The following ASMTL variants were observed in gnomAD, a reference collection of about 807,000 sequenced individuals.
ASMTL encodes acetylserotonin O-methyltransferase like.
In ASMTL, 57 loss-of-function variants were observed where a neutral mutation model predicts 60.3. That is an observed-to-expected ratio of 0.95 (90% CI 0.76 to 1.18). The LOEUF (loss-of-function observed/expected upper bound fraction) is 1.18, where lower values mean the gene tolerates loss of function less well. ASMTL is among the 50% of genes most tolerant of loss of function. The pLI, the probability that ASMTL is intolerant of heterozygous loss-of-function variation, is 0.00. For missense variants in ASMTL, 981 were observed against 852.6 expected (o/e 1.15, Z -1.88); for synonymous variants, 419 against 373.0 (o/e 1.12, Z -1.42).
At chrX:1,419,836 G>A (rs1240225733) in intron 9 of ASMTL, among the ~76,000 whole-genome samples, 5 of 152,180 alleles carry the variant, frequency 3.3e-5, no homozygotes, top group Non-Finnish European at 5.9e-5. Flanking sequence ...TGTCCTCTGC[G>A]ATGCCCACGC....
intron 5 of ASMTL, among the ~76,000 whole-genome samples, chrX:1,432,586 T>G (rs1354807718): frequency 1.3e-5 from 2 of 152,164 alleles, no homozygotes; most frequent in Non-Finnish European, 2.9e-5. Flanking sequence ...TCCCAGCACC[T>G]TGGGAGGCCG....
intron 5 of ASMTL, among the ~76,000 whole-genome samples, 182 bp from the exon 6 acceptor site, chrX:1,432,559 G>A (rs2090825813): frequency 6.6e-6 from 1 of 152,248 alleles, no homozygotes. Context: ...GCCGGGCGCG[G>A]TGGCTCACGC....
chrX:1,444,156 G>A (rs187450820), intron 1 of ASMTL, among the ~76,000 whole-genome samples: 3 of 151,130 alleles, frequency 2.0e-5, no homozygotes, highest in Admixed American at 6.6e-5. Context: ...GAAACATTCC[G>A]AGCCTGCGAG....
chrX:1,435,161 G>A, intron 4 of ASMTL, 78 bp from the exon 5 acceptor site: 4 of 1,497,316 alleles, frequency 2.7e-6, no homozygotes, highest in Non-Finnish European at 3.7e-6. Flanking sequence ...CAAAACCAGG[G>A]GAGGCAGCGA....
At chrX:1,438,473 C>T in intron 3 of ASMTL, among the ~76,000 whole-genome samples, 1 of 152,318 alleles carries the variant, frequency 6.6e-6, no homozygotes, top group East Asian at 1.9e-4. Context: ...AGAAACCCTA[C>T]AGACACCGTG....
chrX:1,440,395 T>G (rs1329199835), intron 2 of ASMTL, among the ~76,000 whole-genome samples: 1 of 152,088 alleles, frequency 6.6e-6, no homozygotes, highest in Non-Finnish European at 1.5e-5. Flanking sequence ...CGGCCCCGAA[T>G]GTATTTCTTA....
At chrX:1,446,789 A>G (rs1484864474) in intron 1 of ASMTL, among the ~76,000 whole-genome samples, 2 of 152,122 alleles carry the variant, frequency 1.3e-5, no homozygotes, top group Non-Finnish European at 2.9e-5. Flanking sequence ...ATGAGCCACC[A>G]TGCCCAGCCC....
At chrX:1,412,416 C>T (rs759513014) in intron 12 of ASMTL, among the ~76,000 whole-genome samples, 6 of 152,104 alleles carry the variant, frequency 3.9e-5, no homozygotes, top group East Asian at 1.9e-4. Flanking sequence ...TTAGTAGAGA[C>T]GGGGTTTCAC....
At chrX:1,439,029 A>C in intron 3 of ASMTL, 68 bp downstream of exon 3, 2 of 1,509,352 alleles carry the variant, frequency 1.3e-6, no homozygotes, top group Non-Finnish European at 1.8e-6. Flanking sequence ...CATCCACAAG[A>C]GGCAGAATCA....
Position 1,432,305 on chromosome X carries a change from T to A in ASMTL, c.473A>T (p.Glu158Val). The A allele has an allele frequency of 6.2e-7, 1 of 1,611,056 alleles. No individual in the cohort carries two copies. Among genetic ancestry groups the A allele is most frequent in the African/African-American group, 1.3e-5 (1 of 74,082 alleles). The change falls in exon 6 of 13, where the codon GAG (glutamate) becomes GTG (valine). Residue 158 changes from glutamate to valine, a missense_variant. Coordinates refer to ENST00000381317, the MANE Select transcript of ASMTL (RefSeq NM_004192.4). ...GCTGTGGACGTATTCCCAGAGCAGCTCCTCGGACAGCTCCGAGAACTTCAC... is the reference window on the plus strand; with the variant it reads ...GCTGTGGACGTATTCCCAGAGCAGCACCTCGGACAGCTCCGAGAACTTCAC... ...TKVKFSELSE[E>V]LLWEYVHSGE...
intron 6 of ASMTL, 77 bp from the exon 7 acceptor site, chrX:1,428,198 C>T (rs5948865): frequency 7.3e-6 from 11 of 1,512,780 alleles, no homozygotes; most frequent in African/African-American, 6.9e-5. Flanking sequence ...GGCTGGGAGG[C>T]GGAGGTGGGT....
chrX:1,422,726 A>C (rs2090514964), intron 8 of ASMTL, among the ~76,000 whole-genome samples: 1 of 152,114 alleles, frequency 6.6e-6, no homozygotes, highest in South Asian at 2.1e-4. Context: ...CTGTTTTCCC[A>C]CCGAGCTGAC....
At chrX:1,415,510 G>A (rs1453427433) in intron 11 of ASMTL, among the ~76,000 whole-genome samples, 1 of 145,044 alleles carries the variant, frequency 6.9e-6, no homozygotes, top group Non-Finnish European at 1.5e-5. Flanking sequence ...TTGTTGCCCA[G>A]GCTGGAGTGC....
At chrX:1,430,633 G>A (rs1392318300) in intron 6 of ASMTL, among the ~76,000 whole-genome samples, 1 of 151,668 alleles carries the variant, frequency 6.6e-6, no homozygotes, top group Admixed American at 6.6e-5. Context: ...TTAGCCAGGC[G>A]TGGTGGTATG....
intron 12 of ASMTL, 89 bp downstream of exon 12, chrX:1,412,643 G>C (rs759351699): frequency 6.3e-7 from 1 of 1,575,204 alleles, no homozygotes; most frequent in Admixed American, 1.7e-5. Flanking sequence ...GATGACAGGC[G>C]TGAGCCACCG....
chrX:1,453,421 G>A (rs769234010), upstream of ASMTL, among the ~76,000 whole-genome samples: 37 of 130,606 alleles, frequency 2.8e-4, 1 homozygote, highest in South Asian at 9.4e-3. Flanking sequence ...CCCCGTCCCC[G>A]CCCCCGGCGC....
At chrX:1,432,439 A>G in intron 5 of ASMTL, 62 bp from the exon 6 acceptor site, 1 of 1,299,084 alleles carries the variant, frequency 7.7e-7, no homozygotes, top group African/African-American at 1.5e-5. Flanking sequence ...GTGCCCTGAC[A>G]GCTGCGTGGC....
intron 12 of ASMTL, among the ~76,000 whole-genome samples, chrX:1,408,140 G>T (rs867960144): frequency 6.0e-5 from 7 of 116,396 alleles, no homozygotes; most frequent in African/African-American, 2.0e-4. Flanking sequence ...GGTCAAGGCT[G>T]CAGTGAACTA....
rs772346181 is a variant in ASMTL, at chrX:1,452,847, C to T, written c.-7G>A. The T allele has an allele frequency of 7.0e-6, 11 of 1,565,128 alleles. No homozygotes were observed. In the African/African-American group the frequency reaches 1.5e-4, roughly 22 times the overall value. On this transcript the variant is annotated 5_prime_UTR_variant, in exon 1 of 13. Transcript: ENST00000381317. Reference sequence around the variant, plus strand: ...TCACCGGGCACAGCACCATGGCGTCCACGCCGGGAGCCGGGCGTCCGCACT... The same window carrying T: ...TCACCGGGCACAGCACCATGGCGTCTACGCCGGGAGCCGGGCGTCCGCACT...
Sources: gnomAD v4.1 joint callset for allele counts (sites outside exome capture counted in the v4.1 genomes callset) on GRCh38, gnomAD v4.1.1 for gene constraint, MANE v1.5 for transcripts, NCBI Gene and HGNC (gene_info 2026-07-23, HGNC 2026-07-21) for gene names.